HERC6: variants seen among roughly 807,000 people sequenced by gnomAD.
The protein encoded by HERC6 is probable E3 ubiquitin-protein ligase HERC6.
A neutral mutation model predicts 114.5 loss-of-function variants in HERC6; 101 were observed. The observed-to-expected ratio is 0.88, with a 90% CI of 0.75 to 1.04. The LOEUF is 1.04. HERC6 is among the 50% of genes least tolerant of loss of function. The pLI, the probability that HERC6 is intolerant of heterozygous loss-of-function variation, is 0.00. For synonymous variants in HERC6, 408 were observed against 436.2 expected (o/e 0.94, Z 0.81); for missense variants, 1,133 against 1,230.9 (o/e 0.92, Z 1.19).
intron 20 of HERC6, among the ~76,000 whole-genome samples, chr4:88,439,654 G>GTTTA (rs1308541841): frequency 3.3e-5 from 5 of 152,160 alleles, no homozygotes; most frequent in Non-Finnish European, 4.4e-5. Context: ...CTGCAGTGAG[G>GTTTA]AAAGTGAGCC....
chr4:88,440,213 C>T lies in HERC6; in HGVS notation c.2805C>T (p.Phe935=), dbSNP rs776618977. Residue 935 remains phenylalanine, a synonymous_variant, in exon 22 of 23, where the codon TTC becomes TTT. Coordinates refer to ENST00000264346, the MANE Select transcript of HERC6 (RefSeq NM_017912.4). ...CTATACAGTTGTTTTGGAAGGCTTT[C>T]CACAAACTAACCTTGGATGAAAAGA... is the stretch of plus-strand genomic sequence containing the variant. The part of the protein sequence containing the change: ...HPTIQLFWKA[F]HKLTLDEKKK... 1.9e-6 allele frequency: 3 copies of T among 1,604,650 alleles called. No homozygotes were observed. The highest frequency in any genetic ancestry group is 1.3e-5 in the African/African-American group (1 of 74,884).
At position 88,431,255 on chromosome 4, in the gene HERC6, G is replaced by C; in HGVS notation, c.2200G>C (p.Gly734Arg). 6.2e-7 allele frequency: 1 copy of C among 1,613,460 alleles called. No individual in the cohort carries two copies. The highest frequency in any genetic ancestry group is 1.1e-5 in the South Asian group (1 of 91,014). ...TGAAGAGATGACCAAGCCAGAATAT[G>C]GAATGTTCATGTATCCTGAAATGGG... ...MFEEMTKPEY[G>R]MFMYPEMGSC... The change falls in exon 17 of 23, where the codon GGA becomes CGA. Residue 734 changes from glycine to arginine, a missense_variant. Coordinates refer to ENST00000264346, the MANE Select transcript of HERC6 (RefSeq NM_017912.4).
In HERC6 at chr4:88,383,211, T is replaced by C; in HGVS notation, c.200-10T>C. ...GGTGGTTGGGGGGTGTTTTGTTTTGTTTCCCAAAGAACCAATTCAGGCATT... is the reference window on the plus strand; with the variant it reads ...GGTGGTTGGGGGGTGTTTTGTTTTGCTTCCCAAAGAACCAATTCAGGCATT... On this transcript the variant is annotated splice_polypyrimidine_tract_variant and intron_variant, in intron 1 of 22. Coordinates refer to ENST00000264346, the MANE Select transcript of HERC6 (RefSeq NM_017912.4). 1 of 1,608,826 alleles carries C rather than the reference T, an allele frequency of 6.2e-7. No individual in the cohort carries two copies.
chr4:88,386,676 T>C (rs980042405), intron 3 of HERC6, among the ~76,000 whole-genome samples: 2 of 152,204 alleles, frequency 1.3e-5, no homozygotes, highest in Non-Finnish European at 2.9e-5. Context: ...GGGAAACCAA[T>C]GGAAGATACG....
Position 88,379,083 on chromosome 4 carries a change from G to C in HERC6, c.162G>C (p.Gln54His). ...VLSCGDNSRGQLGRRGAQRGE... is the reference protein window; with the variant it reads ...VLSCGDNSRGHLGRRGAQRGE... ...CGTGCGGAGACAACAGCAGGGGTCA[G>C]CTGGGCCGCAGGGGCGCGCAGCGCG... The change falls in exon 1 of 23, where the codon CAG (glutamine) becomes CAC (histidine). Residue 54 changes from glutamine (Q) to histidine (H), a missense_variant. Around this residue, in one of 3 missense-constraint regions of HERC6, gnomAD observed 735 missense variants for 754.0 expected, o/e 0.97. Transcript: ENST00000264346. The C allele has an allele frequency of 6.5e-7, 1 of 1,548,840 alleles. No individual in the cohort carries two copies. Among genetic ancestry groups the C allele is most frequent in the Non-Finnish European group, 8.7e-7 (1 of 1,148,020 alleles).
intron 12 of HERC6, 94 bp downstream of exon 12, chr4:88,413,360 G>A: frequency 4.9e-6 from 4 of 821,910 alleles, no homozygotes; most frequent in Non-Finnish European, 7.7e-6. Context: ...TTTCAAAATA[G>A]ACAAGTATTT....
chr4:88,397,673 G>A (rs938588905), intron 7 of HERC6, among the ~76,000 whole-genome samples: 2 of 151,800 alleles, frequency 1.3e-5, no homozygotes, highest in Non-Finnish European at 2.9e-5. Context: ...GCAACAGGGT[G>A]AGACTCCATC....
intron 22 of HERC6, among the ~76,000 whole-genome samples, chr4:88,441,562 C>A (rs188897745): frequency 4.5e-4 from 68 of 152,232 alleles, no homozygotes; most frequent in Middle Eastern, 3.4e-3. Flanking sequence ...TTGGTGGGAA[C>A]CCTAAGGTTT....
chr4:88,394,310 TA>T (rs958755379), intron 5 of HERC6, among the ~76,000 whole-genome samples: 4 of 151,200 alleles, frequency 2.6e-5, no homozygotes, highest in African/African-American at 7.3e-5. Context: ...CCATCTCTAC[TA>T]AAAATACAAA....
At chr4:88,394,601 G>A (rs1240045449) in intron 5 of HERC6, among the ~76,000 whole-genome samples, 1 of 151,242 alleles carries the variant, frequency 6.6e-6, no homozygotes, top group East Asian at 2.0e-4. Context: ...CTGGAGTGCA[G>A]TGGTGCAATC....
At chr4:88,430,605 TAAATAAA>T (rs1738095909) in intron 16 of HERC6, among the ~76,000 whole-genome samples, 1 of 150,478 alleles carries the variant, frequency 6.6e-6, no homozygotes, top group African/African-American at 2.5e-5. Flanking sequence ...AATAAATAAA[TAAATAAA>T]AAGAGGGACT....
Position 88,404,918 on chromosome 4 carries a change from A to G in HERC6, c.1135A>G (p.Ile379Val), listed in dbSNP as rs1482187948. The change falls in exon 9 of 23, where the codon ATA (isoleucine) becomes GTA (valine). Residue 379 changes from isoleucine to valine, a missense_variant. This residue lies in a region of HERC6 where 735 missense variants were observed against 754.0 expected (regional missense o/e 0.97). Coordinates refer to ENST00000264346, the MANE Select transcript of HERC6 (RefSeq NM_017912.4). ...TRAPGKTLPE[I>V]SRISQSMAEK... ...TGCTCCCGGGAAAACCCTGCCAGAA[A>G]TAAGCCGAATTAGCCAGTCCATGGC... 4 of 1,613,800 alleles carry G rather than the reference A, an allele frequency of 2.5e-6. No homozygotes were observed. Among genetic ancestry groups the G allele is most frequent in the Non-Finnish European group, 3.4e-6 (4 of 1,179,800 alleles).
intron 16 of HERC6, among the ~76,000 whole-genome samples, chr4:88,430,140 A>T (rs950338728): frequency 6.6e-6 from 1 of 152,224 alleles, no homozygotes; most frequent in African/African-American, 2.4e-5. Flanking sequence ...GTAGAGAGAG[A>T]ACAAAAATCT....
chr4:88,439,252 C>T lies in HERC6; in HGVS notation c.2556-622C>T, dbSNP rs142747331. Among the ~76,000 whole-genome samples the T allele has an allele frequency of 7.8e-3, 1,181 of 152,084 alleles. 13 individuals are homozygous for T. The highest frequency in any genetic ancestry group is 0.026 in the African/African-American group (1,090 of 41,500). ...AGCTGGGCACCATGGTGCATACTTG[C>T]AGTCTCACCTACTCAGGAGGCTGTG... On this transcript the variant is annotated intron_variant, in intron 20 of 22. Transcript: ENST00000264346.
chr4:88,427,133 G>A (rs1300227902), intron 15 of HERC6, among the ~76,000 whole-genome samples: 2 of 152,170 alleles, frequency 1.3e-5, no homozygotes, highest in Non-Finnish European at 2.9e-5. Flanking sequence ...AGTGAAGCTG[G>A]AAAGCTGACT....
At chr4:88,430,609 TAAAA>T (rs967285533) in intron 16 of HERC6, among the ~76,000 whole-genome samples, 1 of 150,990 alleles carries the variant, frequency 6.6e-6, no homozygotes, top group African/African-American at 2.4e-5. Flanking sequence ...AATAAATAAA[TAAAA>T]AGAGGGACTG....
At chr4:88,381,554 C>CTTT (rs142058374) in intron 1 of HERC6, among the ~76,000 whole-genome samples, 318 of 95,508 alleles carry the variant, frequency 3.3e-3, no homozygotes, top group Non-Finnish European at 4.6e-3. Context: ...CCCTTCTCTT[C>CTTT]TTTTTTTTTT....
intron 13 of HERC6, among the ~76,000 whole-genome samples, chr4:88,418,586 G>T (rs992512067): frequency 1.2e-4 from 19 of 152,196 alleles, no homozygotes; most frequent in Non-Finnish European, 2.2e-4. Flanking sequence ...CAGGATGTTT[G>T]GGTTCTCAGG....
intron 3 of HERC6, among the ~76,000 whole-genome samples, chr4:88,389,164 G>A (rs144613604): frequency 1.2e-3 from 188 of 152,174 alleles, no homozygotes; most frequent in African/African-American, 4.3e-3. Context: ...ATGGGGTTGG[G>A]GCATGCTCAG....
Sources: allele counts gnomAD v4.1 joint callset (sites outside exome capture counted in the v4.1 genomes callset), GRCh38; gene constraint gnomAD v4.1.1; regional missense constraint gnomAD v4.1.1; transcripts MANE v1.5; gene names NCBI Gene and HGNC (gene_info 2026-07-23, HGNC 2026-07-21).